Variants in PAG1 observed in about 807,000 individuals in gnomAD.
PAG1 encodes the protein phosphoprotein membrane anchor with glycosphingolipid microdomains 1.
PAG1 carries 23 observed loss-of-function variants against 31.7 expected under a neutral mutation model. The observed-to-expected ratio is 0.73, with a 90% CI of 0.52 to 1.03. The LOEUF (loss-of-function observed/expected upper bound fraction) is 1.03, where lower values mean the gene tolerates loss of function less well. Among genes scored for constraint, PAG1 ranks in the 50% least tolerant of loss-of-function variants. The pLI, the probability that PAG1 is intolerant of heterozygous loss-of-function variation, is 0.00. For synonymous variants in PAG1, 214 were observed against 210.3 expected, an observed-to-expected ratio of 1.02 and a Z score of -0.15; for missense variants, 473 against 540.7, an observed-to-expected ratio of 0.87 and a Z score of 1.24.
chr8:81,058,539 C>A (rs1215213768), intron 2 of PAG1: 1 of 152,258 alleles, frequency 6.6e-6, no homozygotes, highest in African/African-American at 2.4e-5. Flanking sequence ...GGAGGCTGCG[C>A]TGAGGTATGA....
intron 2 of PAG1, chr8:81,058,497 T>A (rs1050292758): frequency 7.9e-5 from 12 of 152,414 alleles, no homozygotes; most frequent in African/African-American, 2.4e-4. Context: ...TGTAGGAGGC[T>A]AAGGCAGGAG....
chr8:81,032,636 A>G (rs1314180433), intron 2 of PAG1, among the ~76,000 whole-genome samples: 1 of 152,210 alleles, frequency 6.6e-6, no homozygotes, highest in Non-Finnish European at 1.5e-5. Flanking sequence ...AATGTAAAAT[A>G]ACGCAGCTGC....
At chr8:81,090,755 G>C (rs770315197) in intron 1 of PAG1, among the ~76,000 whole-genome samples, 3 of 152,188 alleles carry the variant, frequency 2.0e-5, no homozygotes, top group African/African-American at 4.8e-5. Flanking sequence ...GAGGAACTCT[G>C]AGTTATATAA....
At chr8:80,996,656 T>C (rs1282346632) in intron 3 of PAG1, among the ~76,000 whole-genome samples, 2 of 152,156 alleles carry the variant, frequency 1.3e-5, no homozygotes, top group African/African-American at 4.8e-5. Flanking sequence ...TGGATCACTT[T>C]GTGTTTCACC....
chr8:81,042,630 A>ATG (rs1469813760), intron 2 of PAG1, among the ~76,000 whole-genome samples: 1 of 151,894 alleles, frequency 6.6e-6, no homozygotes, highest in African/African-American at 2.4e-5. Flanking sequence ...GGGTAGGTGT[A>ATG]TGTGTGTGTA....
intron 2 of PAG1, among the ~76,000 whole-genome samples, chr8:81,046,036 T>G (rs1373367867): frequency 6.6e-6 from 1 of 152,204 alleles, no homozygotes; most frequent in Non-Finnish European, 1.5e-5. Flanking sequence ...CTCTGTGTCA[T>G]CAGGGATACT....
At chr8:81,057,162 C>T (rs902997289) in intron 2 of PAG1, among the ~76,000 whole-genome samples, 14 of 152,100 alleles carry the variant, frequency 9.2e-5, no homozygotes. Flanking sequence ...GACAGTGTGG[C>T]GATTCCTCAA....
chr8:81,039,151 G>A (rs1402492271), intron 2 of PAG1, among the ~76,000 whole-genome samples: 1 of 152,156 alleles, frequency 6.6e-6, no homozygotes, highest in Non-Finnish European at 1.5e-5. Context: ...CTGTGTGTGT[G>A]TGTGCATGTG....
rs557572431 is a variant in PAG1, at chr8:80,999,985, C to T, written c.-80-6678G>A. Among the ~76,000 whole-genome samples, 8 of 152,232 alleles carry T rather than the reference C, an allele frequency of 5.3e-5. No homozygotes were observed. The East Asian group carries it at 1.5e-3, about 29-fold the overall frequency. ...ACGTATCACATGCACTCTGACAGAA[C>T]CCTGAGATGCGCTTCTATTTGGGCT... On this transcript the variant is annotated intron_variant, in intron 3 of 8. Coordinates refer to ENST00000220597, the MANE Select transcript of PAG1 (RefSeq NM_018440.4).
At chr8:81,031,514 T>C (rs1193372160) in intron 2 of PAG1, among the ~76,000 whole-genome samples, 1 of 152,264 alleles carries the variant, frequency 6.6e-6, no homozygotes, top group African/African-American at 2.4e-5. Context: ...CTTGTCATCA[T>C]GGTCAATCCA....
intron 1 of PAG1, among the ~76,000 whole-genome samples, chr8:81,075,798 C>T (rs985722011): frequency 1.3e-5 from 2 of 152,210 alleles, no homozygotes; most frequent in East Asian, 3.8e-4. Flanking sequence ...CAGCTCCCTC[C>T]GCTTTCCCGC....
chr8:80,986,324 T>C (rs1348093911), intron 6 of PAG1, among the ~76,000 whole-genome samples: 3 of 152,180 alleles, frequency 2.0e-5, no homozygotes, highest in African/African-American at 2.4e-5. Flanking sequence ...GTCTACATCA[T>C]GGTAGACAGA....
intron 3 of PAG1, among the ~76,000 whole-genome samples, chr8:81,023,406 T>A (rs1198686284): frequency 6.6e-6 from 1 of 152,196 alleles, no homozygotes; most frequent in Non-Finnish European, 1.5e-5. Context: ...AAGTTTTCAT[T>A]CATGAATATT....
At chr8:81,009,469 C>A (rs954630706) in intron 3 of PAG1, among the ~76,000 whole-genome samples, 2 of 152,128 alleles carry the variant, frequency 1.3e-5, no homozygotes, top group African/African-American at 4.8e-5. Context: ...GGACCATAAG[C>A]TCTGATCTCT....
Position 80,991,219 on chromosome 8 carries a change from T to A in PAG1, c.177+260A>T, listed in dbSNP as rs140069913. Reference sequence around the variant, plus strand: ...AACAAACTTGTTATTTAAGCCACCCTGTTTGCGGTCCTTTGTTATGACAGC... The same window carrying A: ...AACAAACTTGTTATTTAAGCCACCCAGTTTGCGGTCCTTTGTTATGACAGC... On this transcript the variant is annotated intron_variant, in intron 5 of 8. Coordinates refer to ENST00000220597, the MANE Select transcript of PAG1 (RefSeq NM_018440.4). Among the ~76,000 whole-genome samples the A allele has an allele frequency of 1.6e-3, 240 of 152,340 alleles. 2 individuals are homozygous for A. The highest frequency in any genetic ancestry group is 4.8e-3 in the African/African-American group (198 of 41,582).
Position 81,030,042 on chromosome 8 carries a change from G to T in PAG1, c.-127C>A, listed in dbSNP as rs1464074796. 6.6e-6 allele frequency: 1 copy of T among 152,224 alleles called. No homozygotes were observed. Among genetic ancestry groups the T allele is most frequent in the South Asian group, 2.1e-4 (1 of 4,836 alleles). 9.4% of individuals were successfully genotyped at this position (152,224 alleles called of 1,614,324 possible). A position where few individuals can be genotyped will look rare whatever the true frequency, so the allele number is the denominator to read the frequency against. ...GTAGAGTATTCCAAGTTCTGGCAATGTATTCCCTTTGAAATGTTGTGGTGA... is the reference window on the plus strand; with the variant it reads ...GTAGAGTATTCCAAGTTCTGGCAATTTATTCCCTTTGAAATGTTGTGGTGA... On this transcript the variant is annotated 5_prime_UTR_variant, in exon 3 of 9. Transcript: ENST00000220597.
intron 3 of PAG1, among the ~76,000 whole-genome samples, chr8:81,001,720 T>C (rs923819397): frequency 6.6e-5 from 10 of 152,232 alleles, no homozygotes; most frequent in Non-Finnish European, 1.2e-4. Flanking sequence ...GTAGATGTTA[T>C]TGAATCGATT....
At chr8:81,085,450 G>A (rs756534662) in intron 1 of PAG1, among the ~76,000 whole-genome samples, 4 of 152,150 alleles carry the variant, frequency 2.6e-5, no homozygotes, top group Non-Finnish European at 5.9e-5. Context: ...ATGAAAAGGT[G>A]CATTGTGTTC....
intron 1 of PAG1, among the ~76,000 whole-genome samples, chr8:81,109,682 G>A (rs542716021): frequency 6.6e-6 from 1 of 152,276 alleles, no homozygotes; most frequent in African/African-American, 2.4e-5. Context: ...ATTTTTCCCA[G>A]AACAAGCTTA....
Sources: allele counts gnomAD v4.1 joint callset (sites outside exome capture counted in the v4.1 genomes callset), GRCh38; gene constraint gnomAD v4.1.1; transcripts MANE v1.5; gene names NCBI Gene and HGNC (gene_info 2026-07-23, HGNC 2026-07-21).